KALRN: variants seen among roughly 807,000 people sequenced by gnomAD.
KALRN encodes the protein kalirin.
Under a neutral mutation model 353.7 loss-of-function variants are expected in KALRN, and 70 were observed. That is an observed-to-expected ratio of 0.20 (90% confidence interval 0.16 to 0.24). KALRN has a LOEUF of 0.24. Ranked by LOEUF, KALRN falls within the 10% of genes least tolerant of loss-of-function variation. The pLI is 1.00. For missense variants in KALRN, 2,791 were observed against 3,756.7 expected (o/e 0.74, Z 6.72); for synonymous variants, 1,391 against 1,434.8 (o/e 0.97, Z 0.69).
At position 124,632,767 on chromosome 3, in the gene KALRN, G is replaced by T. The variant is rs766442160; in HGVS notation, c.5466+64G>T. ...CCTTCTGACATGTCTCCTTCCTCAG[G>T]TTTTGTCAACTAGGCCATCTCAAAT... is the stretch of plus-strand genomic sequence containing the variant. On this transcript the variant is annotated intron_variant, in intron 35 of 59. Transcript: ENST00000682506. 2.0e-6 allele frequency: 3 copies of T among 1,500,020 alleles called. No homozygotes were observed. In the Admixed American group the frequency reaches 5.4e-5, roughly 27 times the overall value. The allele number at this position is 1,500,020 out of a possible 1,614,324, so 92.9% of individuals were successfully genotyped here.
chr3:124,285,166 AGT>A (rs2075714623), intron 5 of KALRN, among the ~76,000 whole-genome samples: 1 of 152,200 alleles, frequency 6.6e-6, no homozygotes, highest in Non-Finnish European at 1.5e-5. Flanking sequence ...TAAAAAGGGG[AGT>A]GAAATTAGTA....
chr3:124,659,874 A>C (rs1267897402), intron 43 of KALRN, among the ~76,000 whole-genome samples: 2 of 148,522 alleles, frequency 1.3e-5, no homozygotes, highest in Non-Finnish European at 3.0e-5. Context: ...ATATAAAATC[A>C]ATATATTATA....
intron 6 of KALRN, among the ~76,000 whole-genome samples, chr3:124,323,933 C>T (rs982944191): frequency 3.9e-5 from 6 of 152,142 alleles, no homozygotes; most frequent in Admixed American, 2.0e-4. Flanking sequence ...CATTTATCGG[C>T]GGTGATCACT....
intron 14 of KALRN, among the ~76,000 whole-genome samples, chr3:124,419,048 G>T (rs573007067): frequency 6.6e-6 from 1 of 151,658 alleles, no homozygotes; most frequent in Admixed American, 6.6e-5. Context: ...CTCCAGCCTG[G>T]GCGACACAGC....
chr3:124,096,729 A>AT (rs958373042), intron 1 of KALRN: 2 of 152,230 alleles, frequency 1.3e-5, no homozygotes, highest in African/African-American at 4.8e-5. Context: ...ACTTAACCAA[A>AT]TTCTCAGTTT....
chr3:124,666,533 A>C lies in KALRN; in HGVS notation c.6430A>C (p.Lys2144Gln), dbSNP rs138817318. Residue 2144 changes from lysine to glutamine, a missense_variant, in exon 46 of 60, where the codon AAA becomes CAA. Lys to Gln is a moderately conservative substitution (Grantham distance 53). Around this residue, in one of 11 missense-constraint regions of KALRN, gnomAD observed 1,065 missense variants for 1,156.4 expected, o/e 0.92. Transcript: ENST00000682506. ...GGATGCAGGCATGCAGTCCCGGACC[A>C]AAGAGAGGCGCGTGTTCCTCTTCGA... ...ELDAGMQSRT[K>Q]ERRVFLFEQI... 5.2e-4 allele frequency: 837 copies of C among 1,614,058 alleles called. 2 individuals carry two copies. Among genetic ancestry groups the C allele is most frequent in the Non-Finnish European group, 6.6e-4 (784 of 1,179,914 alleles).
At chr3:124,487,535 G>A (rs1365796121) in intron 28 of KALRN, among the ~76,000 whole-genome samples, 1 of 152,146 alleles carries the variant, frequency 6.6e-6, no homozygotes, top group African/African-American at 2.4e-5. Flanking sequence ...TATAACCTGA[G>A]GAAAATCACT....
intron 6 of KALRN, among the ~76,000 whole-genome samples, chr3:124,307,704 A>G (rs1266625745): frequency 1.3e-5 from 2 of 152,000 alleles, no homozygotes; most frequent in Non-Finnish European, 2.9e-5. Flanking sequence ...AAAAAGCAGT[A>G]CAGGGTTATA....
At chr3:124,461,161 C>T (rs2059822330) in intron 23 of KALRN, among the ~76,000 whole-genome samples, 1 of 152,050 alleles carries the variant, frequency 6.6e-6, no homozygotes, top group Non-Finnish European at 1.5e-5. Flanking sequence ...GAAGAATTAT[C>T]AAAAGAAGAA....
intron 13 of KALRN, among the ~76,000 whole-genome samples, chr3:124,400,332 A>C (rs2090704450): frequency 6.6e-6 from 1 of 152,086 alleles, no homozygotes; most frequent in Non-Finnish European, 1.5e-5. Flanking sequence ...GCACATCTGT[A>C]CTCCTGCCTC....
At chr3:124,428,595 C>T (rs981138918) in intron 15 of KALRN, among the ~76,000 whole-genome samples, 2 of 152,174 alleles carry the variant, frequency 1.3e-5, no homozygotes, top group African/African-American at 4.8e-5. Context: ...TCAGCCCCAC[C>T]CTGGAGCTAA....
chr3:124,709,452 A>G (rs2062789927), intron 57 of KALRN, among the ~76,000 whole-genome samples: 1 of 152,040 alleles, frequency 6.6e-6, no homozygotes, highest in South Asian at 2.1e-4. Flanking sequence ...TAATTTTTGT[A>G]TATTTAGTAG....
At chr3:124,631,700 C>T (rs188772770) in intron 34 of KALRN, among the ~76,000 whole-genome samples, 14 of 152,296 alleles carry the variant, frequency 9.2e-5, no homozygotes, top group Admixed American at 3.9e-4. Flanking sequence ...AATATAGAAA[C>T]CAGAATGACC....
intron 2 of KALRN, among the ~76,000 whole-genome samples, chr3:124,229,957 G>A (rs2078972314): frequency 1.3e-5 from 2 of 152,190 alleles, no homozygotes; most frequent in South Asian, 2.1e-4. Flanking sequence ...GCAGGATTAC[G>A]CAGCAGTGAT....
intron 3 of KALRN, among the ~76,000 whole-genome samples, chr3:124,241,894 A>G (rs1030230619): frequency 2.0e-5 from 3 of 152,206 alleles, no homozygotes; most frequent in African/African-American, 7.2e-5. Flanking sequence ...TGGGCCAGTC[A>G]GAGGGAAGGG....
chr3:124,675,935 A>G (rs915196421), intron 49 of KALRN, among the ~76,000 whole-genome samples: 1 of 152,190 alleles, frequency 6.6e-6, no homozygotes, highest in African/African-American at 2.4e-5. Context: ...CCCTGGCCTC[A>G]CTAGGTAACC....
intron 2 of KALRN, among the ~76,000 whole-genome samples, 176 bp from the exon 3 acceptor site, chr3:124,234,653 G>A (rs1332769358): frequency 2.0e-5 from 3 of 152,024 alleles, no homozygotes; most frequent in Non-Finnish European, 2.9e-5. Context: ...ACTTGCCCAC[G>A]GTCATATGTG....
rs115145152 is a variant in KALRN, at chr3:124,538,681, C to T, written c.4936-24162C>T. The stretch of plus-strand genomic sequence containing the variant: ...TTAAGCAGAATACCTTTCAGAATGA[C>T]GACCCTGTAGCAGAGCGAATAGTGG... On this transcript the variant is annotated intron_variant, in intron 33 of 59. Transcript: ENST00000682506. Among the ~76,000 whole-genome samples, 364 of 152,200 alleles carry T rather than the reference C, an allele frequency of 2.4e-3. 2 individuals carry two copies. Among genetic ancestry groups the T allele is most frequent in the African/African-American group, 7.8e-3 (323 of 41,522 alleles).
At chr3:124,086,666 A>G (rs1020493068) in intron 1 of KALRN, among the ~76,000 whole-genome samples, 3 of 152,114 alleles carry the variant, frequency 2.0e-5, no homozygotes, top group Non-Finnish European at 4.4e-5. Context: ...TTTATCTACT[A>G]TTTTATTCTC....
Sources: gnomAD v4.1 joint callset for allele counts (sites outside exome capture counted in the v4.1 genomes callset) on GRCh38, gnomAD v4.1.1 for gene constraint, gnomAD v4.1.1 regional missense constraint, MANE v1.5 for transcripts, NCBI Gene and HGNC (gene_info 2026-07-23, HGNC 2026-07-21) for gene names.